Variants in ADGRL3 observed in about 807,000 individuals in gnomAD.
ADGRL3 encodes adhesion G protein-coupled receptor L3.
A neutral mutation model predicts 153.5 loss-of-function variants in ADGRL3; 62 were observed. The ratio of observed to expected loss-of-function variants is 0.40; its 90% CI spans 0.33 to 0.50. The LOEUF is 0.50. Ranked by LOEUF, ADGRL3 falls within the 20% of genes least tolerant of loss-of-function variation. ADGRL3 has a pLI of 0.47. For missense variants in ADGRL3, 1,641 were observed against 1,859.4 expected (o/e 0.88, Z 2.16); for synonymous variants, 710 against 672.5 (o/e 1.06, Z -0.86).
At chr4:61,652,705 A>G (rs2094303364) in intron 5 of ADGRL3, among the ~76,000 whole-genome samples, 2 of 152,214 alleles carry the variant, frequency 1.3e-5, no homozygotes, top group Non-Finnish European at 2.9e-5. Context: ...ATTTCCATAT[A>G]TGCTTCCCTG....
intron 5 of ADGRL3, among the ~76,000 whole-genome samples, chr4:61,622,302 C>A: frequency 6.6e-6 from 1 of 151,828 alleles, no homozygotes; most frequent in East Asian, 1.9e-4. Context: ...TAATTAATAC[C>A]AATATTGACA....
At chr4:61,418,723 ATCTAT>A (rs1216850826) in intron 2 of ADGRL3, among the ~76,000 whole-genome samples, 1 of 150,812 alleles carries the variant, frequency 6.6e-6, no homozygotes, top group African/African-American at 2.5e-5. Flanking sequence ...AAATAAAATG[ATCTAT>A]TCATTCACAT....
intron 2 of ADGRL3, among the ~76,000 whole-genome samples, chr4:61,431,447 T>G (rs1401346074): frequency 6.6e-6 from 1 of 152,204 alleles, no homozygotes; most frequent in Non-Finnish European, 1.5e-5. Context: ...AGGACAACTC[T>G]TCTTTTAAAG....
rs956597076 is a variant in ADGRL3, at chr4:61,996,181, T to C, written c.3237-110T>C. ...AACAAGCAATGTAATATTTCCTGTC[T>C]CCCAGTGGAATGCTTTGCAGCTCAC... On this transcript the variant is annotated intron_variant, in intron 19 of 26. Coordinates refer to ENST00000683033, the MANE Select transcript of ADGRL3 (RefSeq NM_001387552.1). 3.9e-5 allele frequency: 27 copies of C among 688,682 alleles called. No individual in the cohort carries two copies. In the East Asian group the frequency reaches 7.1e-4, roughly 18 times the overall value. The allele number at this position is 688,682 out of a possible 1,614,324, so 42.7% of individuals were successfully genotyped here. A position where few individuals can be genotyped will look rare whatever the true frequency, so the allele number is the denominator to read the frequency against.
chr4:61,402,424 T>G (rs1416360546), intron 2 of ADGRL3, among the ~76,000 whole-genome samples: 2 of 152,130 alleles, frequency 1.3e-5, no homozygotes, highest in Non-Finnish European at 2.9e-5. Flanking sequence ...ATGGATTTGG[T>G]AGGTTCAATA....
At chr4:61,810,945 A>G (rs145738976) in intron 8 of ADGRL3, among the ~76,000 whole-genome samples, 4 of 152,256 alleles carry the variant, frequency 2.6e-5, no homozygotes, top group East Asian at 1.9e-4. Flanking sequence ...AATCTGGTCA[A>G]TGCTGACTTA....
chr4:61,471,406 G>T (rs1226811137), intron 2 of ADGRL3, among the ~76,000 whole-genome samples: 1 of 151,554 alleles, frequency 6.6e-6, no homozygotes, highest in Non-Finnish European at 1.5e-5. Flanking sequence ...TTACATAGAT[G>T]GAAGTGATGT....
chr4:61,480,923 A>C (rs1252646921), intron 2 of ADGRL3, among the ~76,000 whole-genome samples: 1 of 152,200 alleles, frequency 6.6e-6, no homozygotes, highest in African/African-American at 2.4e-5. Flanking sequence ...TGCAGATAAA[A>C]TCCAGAATTC....
At chr4:61,487,786 G>A (rs922685680) in intron 2 of ADGRL3, among the ~76,000 whole-genome samples, 6 of 151,964 alleles carry the variant, frequency 3.9e-5, no homozygotes, top group South Asian at 2.1e-4. Flanking sequence ...TATTTTTAAA[G>A]AGCAAAGGTT....
chr4:61,603,056 A>G (rs1325388280), intron 5 of ADGRL3, among the ~76,000 whole-genome samples: 1 of 152,188 alleles, frequency 6.6e-6, no homozygotes, highest in East Asian at 1.9e-4. Context: ...TCAAGCAATA[A>G]TATTCGTAGA....
At chr4:61,510,220 TC>T (rs1382839157) in intron 3 of ADGRL3, among the ~76,000 whole-genome samples, 1 of 152,256 alleles carries the variant, frequency 6.6e-6, no homozygotes, top group Non-Finnish European at 1.5e-5. Flanking sequence ...GTCTGTTTAC[TC>T]TGTTGATAGT....
chr4:61,964,556 A>G (rs917756700), intron 17 of ADGRL3, among the ~76,000 whole-genome samples: 11 of 152,100 alleles, frequency 7.2e-5, no homozygotes, highest in Admixed American at 5.9e-4. Context: ...GTGGCAAAAT[A>G]TAACTACATA....
At chr4:61,364,344 A>AAT (rs2096354252) in intron 1 of ADGRL3, among the ~76,000 whole-genome samples, 4 of 144,946 alleles carry the variant, frequency 2.8e-5, no homozygotes, top group South Asian at 2.2e-4. Flanking sequence ...AAAAAAAAAA[A>AAT]AATAATAATA....
intron 8 of ADGRL3, among the ~76,000 whole-genome samples, chr4:61,813,350 C>T (rs757104849): frequency 5.9e-5 from 9 of 152,040 alleles, no homozygotes; most frequent in Non-Finnish European, 8.8e-5. Flanking sequence ...GTTGAGATCA[C>T]GCCACTGCAC....
chr4:61,852,397 C>T (rs2098216322), intron 9 of ADGRL3, among the ~76,000 whole-genome samples: 1 of 152,078 alleles, frequency 6.6e-6, no homozygotes, highest in Admixed American at 6.6e-5. Flanking sequence ...TTACTGCAAC[C>T]TCTGCTTCCT....
intron 6 of ADGRL3, among the ~76,000 whole-genome samples, chr4:61,709,752 C>T (rs577055790): frequency 6.6e-6 from 1 of 152,148 alleles, no homozygotes; most frequent in East Asian, 1.9e-4. Context: ...TTGTTTTTAC[C>T]TAGAAAAATT....
At chr4:62,054,011 G>C (rs7439592) in intron 25 of ADGRL3, among the ~76,000 whole-genome samples, 2 of 151,514 alleles carry the variant, frequency 1.3e-5, no homozygotes, top group Non-Finnish European at 3.0e-5. Flanking sequence ...GATAAATATA[G>C]CTATAGGATT....
chr4:61,824,735 A>G (rs1460817166), intron 9 of ADGRL3, among the ~76,000 whole-genome samples: 2 of 152,320 alleles, frequency 1.3e-5, no homozygotes, highest in East Asian at 1.9e-4. Context: ...TAACACATGC[A>G]TATATGCACA....
intron 5 of ADGRL3, among the ~76,000 whole-genome samples, chr4:61,670,168 C>T (rs930008388): frequency 1.3e-5 from 2 of 152,022 alleles, no homozygotes; most frequent in Non-Finnish European, 2.9e-5. Flanking sequence ...GTGTCATGCA[C>T]CTTGAGTCCC....
Sources: gnomAD v4.1 joint callset for allele counts (sites outside exome capture counted in the v4.1 genomes callset) on GRCh38, gnomAD v4.1.1 for gene constraint, MANE v1.5 for transcripts, NCBI Gene and HGNC (gene_info 2026-07-23, HGNC 2026-07-21) for gene names.